Variants in GALNTL6 observed in about 807,000 individuals in gnomAD.
GALNTL6 encodes the protein polypeptide N-acetylgalactosaminyltransferase like 6.
A neutral mutation model predicts 73.7 loss-of-function variants in GALNTL6; 46 were observed. That is an observed-to-expected ratio of 0.62 (90% CI 0.49 to 0.80). GALNTL6 has a LOEUF of 0.80. Ranked by LOEUF, GALNTL6 falls within the 30% of genes least tolerant of loss-of-function variation. The pLI, the probability that GALNTL6 is intolerant of heterozygous loss-of-function variation, is 0.00. For missense variants in GALNTL6, 604 were observed against 755.0 expected (o/e 0.80, Z 2.34); for synonymous variants, 259 against 263.7 (o/e 0.98, Z 0.17).
At chr4:172,419,892 T>A (rs1730993464) in intron 5 of GALNTL6, among the ~76,000 whole-genome samples, 1 of 152,194 alleles carries the variant, frequency 6.6e-6, no homozygotes, top group Non-Finnish European at 1.5e-5. Context: ...TCTGTTTGTG[T>A]CAGCACTAAC....
intron 5 of GALNTL6, among the ~76,000 whole-genome samples, chr4:172,755,957 C>A (rs555646386): frequency 6.6e-6 from 1 of 152,274 alleles, no homozygotes; most frequent in African/African-American, 2.4e-5. Flanking sequence ...ATATAGAAGT[C>A]TCCCTTCATT....
At chr4:172,074,473 CCACAATTGCCAT>C (rs1233009009) in intron 2 of GALNTL6, among the ~76,000 whole-genome samples, 2 of 146,808 alleles carry the variant, frequency 1.4e-5, no homozygotes, top group African/African-American at 5.5e-5. Context: ...GTTCTATCAT[CCACAATTGCCAT>C]CCACAATTGC....
chr4:172,614,594 T>G (rs1434512970), intron 5 of GALNTL6, among the ~76,000 whole-genome samples: 1 of 152,196 alleles, frequency 6.6e-6, no homozygotes, highest in East Asian at 1.9e-4. Context: ...TTAGAAAGGA[T>G]AATTTGATGA....
At chr4:172,356,449 A>G (rs957310439) in intron 5 of GALNTL6, among the ~76,000 whole-genome samples, 2 of 152,152 alleles carry the variant, frequency 1.3e-5, no homozygotes, top group African/African-American at 4.8e-5. Flanking sequence ...AAATCATTGC[A>G]TCTACACAAT....
chr4:173,018,361 T>C (rs1752863246), intron 11 of GALNTL6, among the ~76,000 whole-genome samples: 1 of 152,198 alleles, frequency 6.6e-6, no homozygotes, highest in African/African-American at 2.4e-5. Flanking sequence ...AAAAAGAGAT[T>C]CATTAATTTT....
chr4:172,736,641 A>G (rs745745629), intron 5 of GALNTL6, among the ~76,000 whole-genome samples: 2 of 152,272 alleles, frequency 1.3e-5, no homozygotes, highest in African/African-American at 2.4e-5. Context: ...AAGAGTATTG[A>G]TTAGGGAAGT....
At chr4:172,453,375 C>A (rs1732282450) in intron 5 of GALNTL6, among the ~76,000 whole-genome samples, 1 of 152,124 alleles carries the variant, frequency 6.6e-6, no homozygotes, top group African/African-American at 2.4e-5. Context: ...TCTGACTTTT[C>A]ATTTTAAAAA....
At position 172,976,092 on chromosome 4, in the gene GALNTL6, C is replaced by T. The variant is rs185406827; in HGVS notation, c.1371+23834C>T. Among the ~76,000 whole-genome samples the T allele has an allele frequency of 3.7e-4, 56 of 152,268 alleles. 1 individual carries two copies. Among genetic ancestry groups the T allele is most frequent in the African/African-American group, 1.3e-3 (55 of 41,562 alleles). On this transcript the variant is annotated intron_variant, in intron 10 of 12. Coordinates refer to ENST00000506823, the MANE Select transcript of GALNTL6 (RefSeq NM_001034845.3). ...AGTGCCCACCACCTGCCACACCTCCCCCGCTGTAGCTAGCTCCTTGACAGC... is the reference window on the plus strand; with the variant it reads ...AGTGCCCACCACCTGCCACACCTCCTCCGCTGTAGCTAGCTCCTTGACAGC...
At chr4:172,892,894 AATT>A (rs1258154923) in intron 8 of GALNTL6, among the ~76,000 whole-genome samples, 1 of 152,150 alleles carries the variant, frequency 6.6e-6, no homozygotes, top group Non-Finnish European at 1.5e-5. Flanking sequence ...GGAAATCCAC[AATT>A]ATTTGGGGAC....
At chr4:172,879,038 A>G (rs1745327256) in intron 7 of GALNTL6, among the ~76,000 whole-genome samples, 1 of 151,928 alleles carries the variant, frequency 6.6e-6, no homozygotes, top group Admixed American at 6.6e-5. Flanking sequence ...TTTCATAGCA[A>G]TAATAAAGTT....
At chr4:172,622,250 TAA>T (rs1308447556) in intron 5 of GALNTL6, among the ~76,000 whole-genome samples, 1 of 152,086 alleles carries the variant, frequency 6.6e-6, no homozygotes, top group Non-Finnish European at 1.5e-5. Context: ...ATAAATAAAA[TAA>T]TTCAAGAGAA....
At position 172,879,829 on chromosome 4, in the gene GALNTL6, G is replaced by C. The variant is rs116798862; in HGVS notation, c.924-2961G>C. The stretch of plus-strand genomic sequence containing the variant: ...ATAAAGAAAATCAATGAAACCAAAA[G>C]TTAGTTCTTTCAACAGATTAATAAA... On this transcript the variant is annotated intron_variant, in intron 7 of 12. Coordinates refer to ENST00000506823, the MANE Select transcript of GALNTL6 (RefSeq NM_001034845.3). Among the ~76,000 whole-genome samples, 708 of 151,916 alleles carry C rather than the reference G, an allele frequency of 4.7e-3. 7 individuals carry two copies. Among genetic ancestry groups the C allele is most frequent in the African/African-American group, 0.014 (601 of 41,500 alleles).
chr4:172,104,793 G>C (rs898939210), intron 2 of GALNTL6, among the ~76,000 whole-genome samples: 1 of 152,012 alleles, frequency 6.6e-6, no homozygotes, highest in African/African-American at 2.4e-5. Flanking sequence ...GCATATTTGT[G>C]GCATGCAAAT....
chr4:172,187,853 G>C (rs185946576), intron 2 of GALNTL6, among the ~76,000 whole-genome samples: 150 of 151,990 alleles, frequency 9.9e-4, no homozygotes, highest in Non-Finnish European at 1.8e-3. Flanking sequence ...TGTCCTGTTT[G>C]GGTTACTTAC....
rs59118934 is a variant in GALNTL6, at chr4:172,967,643, C to CAGAG, written c.1371+15397_1371+15400dup. On this transcript the variant is annotated intron_variant, in intron 10 of 12. Coordinates refer to ENST00000506823, the MANE Select transcript of GALNTL6 (RefSeq NM_001034845.3). Reference sequence around the variant, plus strand: ...TTCATGATATTATATTATTTTGGAACAGAGAGAGAGAGAGACCACATTGAC... The same window carrying CAGAG: ...TTCATGATATTATATTATTTTGGAACAGAGAGAGAGAGAGAGAGACCACATTGAC... Among the ~76,000 whole-genome samples, 23 of 151,186 alleles carry CAGAG rather than the reference C, an allele frequency of 1.5e-4. No individual in the cohort carries two copies. In the South Asian group the frequency reaches 4.0e-3, roughly 26 times the overall value.
At chr4:172,588,777 T>A (rs1346789785) in intron 5 of GALNTL6, among the ~76,000 whole-genome samples, 2 of 152,132 alleles carry the variant, frequency 1.3e-5, no homozygotes, top group Non-Finnish European at 1.5e-5. Flanking sequence ...AGTTATGCAA[T>A]CACATATCGA....
chr4:172,598,537 A>G (rs1253361493), intron 5 of GALNTL6, among the ~76,000 whole-genome samples: 2 of 152,180 alleles, frequency 1.3e-5, no homozygotes, highest in Non-Finnish European at 2.9e-5. Context: ...TTGTAAGACT[A>G]ATAGAAAGGA....
At position 171,948,318 on chromosome 4, in the gene GALNTL6, C is replaced by T. The variant is rs574008377; in HGVS notation, c.138+133600C>T. On this transcript the variant is annotated intron_variant, in intron 2 of 12. Transcript: ENST00000506823. ...ACTTGATGTTGAGATTTTATTAGCT[C>T]TGACAATATGGGAAAATTCCATTCT... Among the ~76,000 whole-genome samples, 27 of 152,198 alleles carry T rather than the reference C, an allele frequency of 1.8e-4. No homozygotes were observed. In the South Asian group the frequency reaches 5.6e-3, roughly 32 times the overall value.
At chr4:171,885,070 A>AAAG (rs1736571138) in intron 2 of GALNTL6, among the ~76,000 whole-genome samples, 1 of 151,614 alleles carries the variant, frequency 6.6e-6, no homozygotes, top group Admixed American at 6.6e-5. Flanking sequence ...AAAAAAGAAA[A>AAAG]GAAAAGAAAA....
Sources: allele counts gnomAD v4.1 joint callset (sites outside exome capture counted in the v4.1 genomes callset), GRCh38; gene constraint gnomAD v4.1.1; transcripts MANE v1.5; gene names NCBI Gene and HGNC (gene_info 2026-07-23, HGNC 2026-07-21).